ATP6V1G3: variants seen among roughly 807,000 people sequenced by gnomAD.
The protein encoded by ATP6V1G3 is V-type proton ATPase subunit G 3.
In ATP6V1G3, 9 loss-of-function variants were observed where a neutral mutation model predicts 9.3. That is an observed-to-expected ratio of 0.97 (90% CI 0.59 to 1.69). The LOEUF is 1.69. Among genes scored for constraint, ATP6V1G3 ranks in the 40% most tolerant of loss-of-function variants. ATP6V1G3 has a pLI of 0.00. For synonymous variants in ATP6V1G3, 43 were observed against 43.8 expected, an observed-to-expected ratio of 0.98 and a Z score of 0.07; for missense variants, 133 against 139.0, an observed-to-expected ratio of 0.96 and a Z score of 0.22.
chr1:198,525,600 G>T (rs776422444), intron 2 of ATP6V1G3, among the ~76,000 whole-genome samples: 15 of 152,114 alleles, frequency 9.9e-5, no homozygotes, highest in Non-Finnish European at 1.8e-4. Flanking sequence ...AAGTGTAAAA[G>T]AAGTAGGTGC....
At chr1:198,527,148 C>T (rs1344198022) in intron 2 of ATP6V1G3, among the ~76,000 whole-genome samples, 1 of 152,138 alleles carries the variant, frequency 6.6e-6, no homozygotes, top group Non-Finnish European at 1.5e-5. Flanking sequence ...TCCCAGACCT[C>T]CTAATTGCCC....
intron 2 of ATP6V1G3, among the ~76,000 whole-genome samples, chr1:198,523,972 T>C (rs1021811822): frequency 6.6e-6 from 1 of 152,176 alleles, no homozygotes; most frequent in African/African-American, 2.4e-5. Context: ...AACTCACTTT[T>C]GCTGTTTTTT....
At chr1:198,537,877 TA>T (rs1660181337) in intron 1 of ATP6V1G3, among the ~76,000 whole-genome samples, 1 of 152,216 alleles carries the variant, frequency 6.6e-6, no homozygotes, top group South Asian at 2.1e-4. Context: ...TTAGGGAAGT[TA>T]TAACATACTG....
At chr1:198,529,007 T>A (rs1330341066) in intron 2 of ATP6V1G3, 74 bp downstream of exon 2, 1 of 628,580 alleles carries the variant, frequency 1.6e-6, no homozygotes, top group Non-Finnish European at 2.6e-6. Flanking sequence ...TCTGTCAATA[T>A]CCTATATTAA....
chr1:198,533,677 G>A (rs1659997984), intron 1 of ATP6V1G3, among the ~76,000 whole-genome samples: 3 of 152,124 alleles, frequency 2.0e-5, no homozygotes, highest in African/African-American at 7.2e-5. Context: ...TCAAGTTTGG[G>A]AGTCATCAAC....
chr1:198,540,033 A>T (rs1487115861), intron 1 of ATP6V1G3, among the ~76,000 whole-genome samples: 1 of 152,170 alleles, frequency 6.6e-6, no homozygotes, highest in Non-Finnish European at 1.5e-5. Flanking sequence ...AGCCAGGGCA[A>T]CATAGTGAGA....
intron 2 of ATP6V1G3, 141 bp from the exon 3 acceptor site, chr1:198,523,705 G>T (rs1040540670): frequency 4.3e-6 from 3 of 697,716 alleles, no homozygotes; most frequent in Admixed American, 6.7e-5. Flanking sequence ...GAACCAACAA[G>T]ATCATCAATG....
At chr1:198,525,922 C>T (rs1287514008) in intron 2 of ATP6V1G3, among the ~76,000 whole-genome samples, 1 of 152,098 alleles carries the variant, frequency 6.6e-6, no homozygotes, top group African/African-American at 2.4e-5. Flanking sequence ...CTCAGTTTAA[C>T]TCTGAACAAG....
intron 1 of ATP6V1G3, among the ~76,000 whole-genome samples, chr1:198,537,065 C>A (rs965830491): frequency 1.3e-5 from 2 of 152,172 alleles, no homozygotes; most frequent in African/African-American, 2.4e-5. Context: ...CGAAGCCTGT[C>A]CACATTCCTG....
chr1:198,535,461 G>A (rs368161372), intron 1 of ATP6V1G3, among the ~76,000 whole-genome samples: 23 of 151,290 alleles, frequency 1.5e-4, no homozygotes, highest in African/African-American at 5.6e-4. Context: ...GCATCCTATA[G>A]ACTCACAAAA....
intron 1 of ATP6V1G3, among the ~76,000 whole-genome samples, chr1:198,535,548 A>T (rs957900974): frequency 6.6e-6 from 1 of 152,046 alleles, no homozygotes; most frequent in Non-Finnish European, 1.5e-5. Context: ...ATTTTGCCTC[A>T]TAGTGGACCA....
rs755062618 is a variant in ATP6V1G3, at chr1:198,540,629, T to G, written c.22A>C (p.Ile8Leu). 8 of 1,613,978 alleles carry G rather than the reference T, an allele frequency of 5.0e-6. No individual in the cohort carries two copies. The highest frequency in any genetic ancestry group is 5.9e-6 in the Non-Finnish European group (7 of 1,179,964). ...TTTTCTGCCTGAAGAAGCTGGTGGA[T>G]CCCCTGAGACTGGCTTGTCATGGTA... is the stretch of plus-strand genomic sequence containing the variant. The part of the protein sequence containing the change: MTSQSQG[I>L]HQLLQAEKRA... Residue 8 changes from isoleucine (I) to leucine (L), a missense_variant, in exon 1 of 3, where the codon ATC becomes CTC. By Grantham distance (5) the Ile-to-Leu change is conservative. Coordinates refer to ENST00000367382, the MANE Select transcript of ATP6V1G3 (RefSeq NM_001376861.1).
At chr1:198,533,933 G>A (rs1487236008) in intron 1 of ATP6V1G3, among the ~76,000 whole-genome samples, 7 of 152,186 alleles carry the variant, frequency 4.6e-5, no homozygotes, top group Admixed American at 4.6e-4. Flanking sequence ...CTGGGCAAGA[G>A]GAACTATTGG....
In ATP6V1G3 at chr1:198,529,078, C is replaced by T; in HGVS notation, c.183+3G>A. Reference sequence around the variant, plus strand: ...AAGAAACAGTGCTGACTTTCTTACTCACCTTAGATTGTTTTAGTCGAAACT... The same window carrying T: ...AAGAAACAGTGCTGACTTTCTTACTTACCTTAGATTGTTTTAGTCGAAACT... On this transcript the variant is annotated splice_donor_region_variant and intron_variant, in intron 2 of 2. Coordinates refer to ENST00000367382, the MANE Select transcript of ATP6V1G3 (RefSeq NM_001376861.1). 1.4e-6 allele frequency: 2 copies of T among 1,431,768 alleles called. No homozygotes were observed. Among genetic ancestry groups the T allele is most frequent in the South Asian group, 1.2e-5 (1 of 82,644 alleles). 88.7% of individuals were successfully genotyped at this position (1,431,768 alleles called of 1,614,324 possible).
chr1:198,539,372 A>G (rs1034891226), intron 1 of ATP6V1G3, among the ~76,000 whole-genome samples: 5 of 152,308 alleles, frequency 3.3e-5, no homozygotes. Context: ...CATTTTGAAA[A>G]TATGGCCCCT....
Position 198,523,254 on chromosome 1 carries a change from G to A in ATP6V1G3, c.*137C>T, listed in dbSNP as rs951792764. Reference sequence around the variant, plus strand: ...TTGTTTTGTTTAATTCAGTGCCGATGTATGAGTTATGTCACATTTCCTGTA... The same window carrying A: ...TTGTTTTGTTTAATTCAGTGCCGATATATGAGTTATGTCACATTTCCTGTA... On this transcript the variant is annotated 3_prime_UTR_variant, in exon 3 of 3. Coordinates refer to ENST00000367382, the MANE Select transcript of ATP6V1G3 (RefSeq NM_001376861.1). 2.8e-5 allele frequency: 23 copies of A among 816,600 alleles called. No homozygotes were observed. The highest frequency in any genetic ancestry group is 1.4e-4 in the South Asian group (8 of 57,058). 50.6% of individuals were successfully genotyped at this position (816,600 alleles called of 1,614,324 possible).
rs753377928 is a variant in ATP6V1G3 at position 198,529,171 on chromosome 1, C to G, written c.93G>C (p.Lys31Asn). 1 of 1,348,648 alleles carries G rather than the reference C, an allele frequency of 7.4e-7. No individual in the cohort carries two copies. The highest frequency in any genetic ancestry group is 2.1e-5 in the South Asian group (1 of 47,308). The allele number at this position is 1,348,648 out of a possible 1,614,324, so 83.5% of individuals were successfully genotyped here. The change falls in exon 2 of 3, where the codon AAG becomes AAC. Residue 31 changes from lysine (K) to asparagine (N), a missense_variant. Transcript: ENST00000367382. The part of the protein sequence containing the change: ...KLEEAKKRKG[K>N]RLKQAKEEAM... ...CTTCCTCCTTGGCTTGCTTCAATCG[C>G]TTTCCTTTTCCTGAAAATTAACAAA...
At chr1:198,538,260 G>A (rs1020186554) in intron 1 of ATP6V1G3, among the ~76,000 whole-genome samples, 3 of 152,138 alleles carry the variant, frequency 2.0e-5, no homozygotes, top group Non-Finnish European at 4.4e-5. Context: ...AAGACAGTAT[G>A]TACTTTTCAA....
intron 2 of ATP6V1G3, among the ~76,000 whole-genome samples, chr1:198,525,034 A>G (rs1659600512): frequency 1.3e-5 from 2 of 152,202 alleles, no homozygotes. Context: ...CAGTTCAAAG[A>G]AAATAATTTT....
Sources: allele counts gnomAD v4.1 joint callset (sites outside exome capture counted in the v4.1 genomes callset), GRCh38; gene constraint gnomAD v4.1.1; transcripts MANE v1.5; gene names NCBI Gene and HGNC (gene_info 2026-07-23, HGNC 2026-07-21).